Variants in CLDN18 observed in about 807,000 individuals in gnomAD.
CLDN18 encodes the protein claudin-18.
Under a neutral mutation model 25.0 loss-of-function variants are expected in CLDN18, and 20 were observed. The ratio of observed to expected loss-of-function variants is 0.80; its 90% confidence interval spans 0.56 to 1.16. The LOEUF (loss-of-function observed/expected upper bound fraction) is 1.16. Ranked by LOEUF, CLDN18 falls within the 50% of genes most tolerant of loss-of-function variation. The pLI, the probability that CLDN18 is intolerant of heterozygous loss-of-function variation, is 0.00. For missense variants in CLDN18, 297 were observed against 345.4 expected (o/e 0.86, Z 1.11); for synonymous variants, 125 against 135.6 (o/e 0.92, Z 0.54).
intron 3 of CLDN18, among the ~76,000 whole-genome samples, chr3:138,026,525 G>C (rs1026521770): frequency 2.0e-5 from 3 of 152,068 alleles, no homozygotes; most frequent in Admixed American, 2.0e-4. Context: ...GGCGCCTGTA[G>C]TCCCAGCTAC....
upstream of CLDN18, among the ~76,000 whole-genome samples, chr3:138,007,074 A>G (rs1021492915): frequency 6.6e-6 from 1 of 152,206 alleles, no homozygotes; most frequent in African/African-American, 2.4e-5. Context: ...GTATTCTAAC[A>G]CATGTATATG....
chr3:138,018,119 G>A (rs1032576036), intron 1 of CLDN18, among the ~76,000 whole-genome samples: 3 of 152,152 alleles, frequency 2.0e-5, no homozygotes, highest in African/African-American at 7.2e-5. Context: ...GTCTTAGATG[G>A]TTCCTGCTGC....
Position 138,010,258 on chromosome 3 carries a change from C to A in CLDN18, c.33C>A (p.Phe11Leu). Residue 11 changes from phenylalanine (F) to leucine (L), a missense_variant, in exon 1 of 5, where the codon TTC (phenylalanine) becomes TTA (leucine). Transcript: ENST00000183605. MSTTTCQVVAFLLSILGLAGC... is the reference protein window; with the variant it reads MSTTTCQVVALLLSILGLAGC... ...CCACCACATGCCAAGTGGTGGCGTT[C>A]CTCCTGTCCATCCTGGGGCTGGCCG... The A allele has an allele frequency of 1.2e-6, 2 of 1,613,896 alleles. No homozygotes were observed. Among genetic ancestry groups the A allele is most frequent in the South Asian group, 2.2e-5 (2 of 91,026 alleles).
upstream of CLDN18, among the ~76,000 whole-genome samples, chr3:138,009,309 C>A (rs1942102883): frequency 6.6e-6 from 1 of 152,200 alleles, no homozygotes; most frequent in South Asian, 2.1e-4. Flanking sequence ...GACTTCAGCC[C>A]AGCTAACCCT....
chr3:138,029,878 C>A lies in CLDN18; in HGVS notation c.585C>A (p.Ala195=). 3.1e-6 allele frequency: 5 copies of A among 1,595,248 alleles called. No homozygotes were observed. Among genetic ancestry groups the A allele is most frequent in the Non-Finnish European group, 4.3e-6 (5 of 1,171,058 alleles). Residue 195 remains alanine, a synonymous_variant, in exon 4 of 5, where the codon GCC becomes GCA. Coordinates refer to ENST00000183605, the MANE Select transcript of CLDN18 (RefSeq NM_016369.4). ...TTGGGGGTGTGATGATGTGCATCGCCTGCCGGGGCCTGGCACCAGAAGAAA... is the reference window on the plus strand; with the variant it reads ...TTGGGGGTGTGATGATGTGCATCGCATGCCGGGGCCTGGCACCAGAAGAAA... The part of the protein sequence containing the change: ...TLIGGVMMCI[A]CRGLAPEETN...
At chr3:138,010,037 A>C, upstream of CLDN18, 1 of 999,996 alleles carries the variant, frequency 1.0e-6, no homozygotes, top group Non-Finnish European at 1.4e-6. Context: ...TTCTCTAACA[A>C]ATGTAAAAAT....
chr3:138,001,340 G>C (rs1456608071), intron 1 of CLDN18, among the ~76,000 whole-genome samples: 2 of 151,930 alleles, frequency 1.3e-5, no homozygotes, highest in African/African-American at 4.8e-5. Flanking sequence ...TCCTTGAATG[G>C]GGTCCTGGAC....
At chr3:138,011,033 AATTAT>A (rs1156534146) in intron 1 of CLDN18, among the ~76,000 whole-genome samples, 7 of 151,746 alleles carry the variant, frequency 4.6e-5, no homozygotes, top group African/African-American at 9.7e-5. Flanking sequence ...ACAGAATTAT[AATTAT>A]ATTATGTCAG....
intron 1 of CLDN18, among the ~76,000 whole-genome samples, chr3:138,000,648 C>T (rs910157460): frequency 3.3e-5 from 5 of 152,140 alleles, no homozygotes; most frequent in Non-Finnish European, 7.3e-5. Context: ...GGCAGTAGAA[C>T]CAAAGTGAGA....
At chr3:138,021,238 A>C (rs972521449) in intron 1 of CLDN18, among the ~76,000 whole-genome samples, 2 of 151,960 alleles carry the variant, frequency 1.3e-5, no homozygotes, top group Non-Finnish European at 2.9e-5. Context: ...AGATTCCCTC[A>C]GTATCTCCTT....
At position 138,010,342 on chromosome 3, in the gene CLDN18, C is replaced by T. The variant is rs1484107463; in HGVS notation, c.117C>T (p.Pro39=). The T allele has an allele frequency of 5.6e-6, 9 of 1,614,110 alleles. No homozygotes were observed. Among genetic ancestry groups the T allele is most frequent in the African/African-American group, 1.3e-5 (1 of 74,946 alleles). ...GCACCCAGGACCTGTACGACAACCC[C>T]GTCACCTCCGTGTTCCAGTACGAAG... is the stretch of plus-strand genomic sequence containing the variant. ...MWSTQDLYDN[P]VTSVFQYEGL... The change falls in exon 1 of 5, where the codon CCC becomes CCT. Residue 39 remains proline (P), a synonymous_variant. Transcript: ENST00000183605.
intron 3 of CLDN18, among the ~76,000 whole-genome samples, chr3:138,028,127 C>T (rs1396616558): frequency 4.0e-5 from 6 of 151,704 alleles, no homozygotes; most frequent in Admixed American, 3.9e-4. Flanking sequence ...TGCAATGGCG[C>T]AATCTCGGCT....
intron 1 of CLDN18, among the ~76,000 whole-genome samples, chr3:138,016,848 T>C (rs2107882134): frequency 6.6e-6 from 1 of 152,112 alleles, no homozygotes. Flanking sequence ...AAGGTCAGGA[T>C]TTCGAGACCA....
intron 2 of CLDN18, among the ~76,000 whole-genome samples, chr3:138,024,194 G>T (rs990492390): frequency 6.6e-6 from 1 of 151,604 alleles, no homozygotes; most frequent in African/African-American, 2.4e-5. Context: ...GTTAGCTTTT[G>T]AATCTTAACT....
At chr3:138,028,134 G>A (rs539556570) in intron 3 of CLDN18, among the ~76,000 whole-genome samples, 7 of 151,436 alleles carry the variant, frequency 4.6e-5, no homozygotes, top group East Asian at 1.9e-4. Flanking sequence ...GCGCAATCTC[G>A]GCTCACTGCA....
chr3:138,010,531 T>C, intron 1 of CLDN18, 86 bp downstream of exon 1: 1 of 1,532,374 alleles, frequency 6.5e-7, no homozygotes, highest in South Asian at 1.2e-5. Flanking sequence ...CTCCCACCTC[T>C]GGGTGAGGAC....
intron 1 of CLDN18, among the ~76,000 whole-genome samples, chr3:138,019,841 T>A (rs1942251793): frequency 6.6e-6 from 1 of 152,194 alleles, no homozygotes; most frequent in African/African-American, 2.4e-5. Flanking sequence ...ACTGAGTTCC[T>A]ATTTTTCTGT....
intron 1 of CLDN18, among the ~76,000 whole-genome samples, chr3:138,011,479 G>T (rs2107879176): frequency 6.6e-6 from 1 of 152,200 alleles, no homozygotes. Flanking sequence ...TTTTTTGGAA[G>T]CCACTTATTG....
chr3:138,014,787 CA>C (rs1942184882), intron 1 of CLDN18, among the ~76,000 whole-genome samples: 1 of 152,166 alleles, frequency 6.6e-6, no homozygotes, highest in African/African-American at 2.4e-5. Flanking sequence ...GGCTACACTA[CA>C]AATTGGCACC....
Sources: allele counts gnomAD v4.1 joint callset (sites outside exome capture counted in the v4.1 genomes callset), GRCh38; gene constraint gnomAD v4.1.1; transcripts MANE v1.5; gene names NCBI Gene and HGNC (gene_info 2026-07-23, HGNC 2026-07-21).